The following GRK4 variants were observed in gnomAD, a reference collection of about 807,000 sequenced individuals.
GRK4 encodes the protein G protein-coupled receptor kinase 4.
Under a neutral mutation model 77.9 loss-of-function variants are expected in GRK4, and 73 were observed. The observed-to-expected ratio is 0.94, with a 90% CI of 0.78 to 1.14. GRK4 has a LOEUF of 1.14. GRK4 is among the 50% of genes most tolerant of loss of function. GRK4 has a pLI of 0.00. For synonymous variants in GRK4, 257 were observed against 254.4 expected, an observed-to-expected ratio of 1.01 and a Z score of -0.10; for missense variants, 729 against 700.2, an observed-to-expected ratio of 1.04 and a Z score of -0.46.
intron 12 of GRK4, 139 bp from the exon 13 acceptor site, chr4:3,035,247 A>T: frequency 1.1e-6 from 1 of 912,322 alleles, no homozygotes; most frequent in Non-Finnish European, 1.8e-6. Flanking sequence ...TCCATCTCAA[A>T]AAAAGAAAAA....
At chr4:2,988,566 T>C (rs925567733) in intron 2 of GRK4, among the ~76,000 whole-genome samples, 161 bp from the exon 3 acceptor site, 1 of 123,780 alleles carries the variant, frequency 8.1e-6, no homozygotes, top group Non-Finnish European at 1.7e-5. Context: ...GGAGGGAGAC[T>C]GTCTGAAACA....
chr4:2,989,681 C>G (rs1178358511), intron 3 of GRK4, among the ~76,000 whole-genome samples: 2 of 152,212 alleles, frequency 1.3e-5, no homozygotes, highest in Non-Finnish European at 2.9e-5. Flanking sequence ...CTTAAAAACG[C>G]TTTAACCCAG....
intron 12 of GRK4, among the ~76,000 whole-genome samples, chr4:3,033,109 C>T (rs1385496940): frequency 6.6e-6 from 1 of 152,142 alleles, no homozygotes. Context: ...TTGGCTGGAG[C>T]TGGTGGCTCA....
At chr4:2,968,819 T>G (rs1328670632) in intron 1 of GRK4, among the ~76,000 whole-genome samples, 3 of 152,094 alleles carry the variant, frequency 2.0e-5, no homozygotes, top group Non-Finnish European at 2.9e-5. Context: ...GTCTCCACGG[T>G]CACTCCTGTG....
At chr4:3,035,979 CCAGCT>C (rs1430147823) in intron 13 of GRK4, among the ~76,000 whole-genome samples, 2 of 151,576 alleles carry the variant, frequency 1.3e-5, no homozygotes, top group East Asian at 4.0e-4. Context: ...CACACACCAC[CCAGCT>C]CATTTTCACT....
At chr4:3,015,992 TC>T (rs1734371968) in intron 8 of GRK4, among the ~76,000 whole-genome samples, 1 of 150,726 alleles carries the variant, frequency 6.6e-6, no homozygotes. Flanking sequence ...CACTGCAACA[TC>T]CGGCTCCCGG....
At chr4:2,992,544 A>C (rs1395570803) in intron 4 of GRK4, among the ~76,000 whole-genome samples, 3 of 152,020 alleles carry the variant, frequency 2.0e-5, no homozygotes, top group African/African-American at 4.8e-5. Flanking sequence ...CTAGCTGGAC[A>C]TGGTGGTGTG....
intron 1 of GRK4, among the ~76,000 whole-genome samples, chr4:2,980,879 C>T (rs939062725): frequency 3.9e-5 from 6 of 152,266 alleles, no homozygotes; most frequent in African/African-American, 1.4e-4. Flanking sequence ...TCTTTCACTA[C>T]TGGTCCAGAT....
intron 2 of GRK4, among the ~76,000 whole-genome samples, chr4:2,985,382 C>G (rs1723996436): frequency 7.0e-6 from 1 of 142,396 alleles, no homozygotes; most frequent in Non-Finnish European, 1.5e-5. Flanking sequence ...GCCTGGGGAA[C>G]AGAGCAAGAC....
chr4:3,035,617 T>C, intron 13 of GRK4, 94 bp downstream of exon 13: 9 of 1,386,832 alleles, frequency 6.5e-6, no homozygotes, highest in Non-Finnish European at 8.8e-6. Flanking sequence ...AGATGGGGGG[T>C]CTCACTGTGT....
intron 1 of GRK4, among the ~76,000 whole-genome samples, chr4:2,975,404 C>T (rs1720818776): frequency 6.6e-6 from 1 of 152,182 alleles, no homozygotes; most frequent in South Asian, 2.1e-4. Context: ...ATCTTCCCTC[C>T]TCATACCTAA....
chr4:2,977,122 G>A (rs1721453309), intron 1 of GRK4, among the ~76,000 whole-genome samples: 1 of 152,072 alleles, frequency 6.6e-6, no homozygotes, highest in African/African-American at 2.4e-5. Context: ...AGGAACAGGC[G>A]GCCTTTCATA....
chr4:2,971,788 G>A (rs1248048014), intron 1 of GRK4, among the ~76,000 whole-genome samples: 2 of 152,204 alleles, frequency 1.3e-5, no homozygotes, highest in Non-Finnish European at 2.9e-5. Context: ...AGCCTCTGCT[G>A]GCTCGCTGGC....
chr4:3,035,992 ACTT>A (rs1228178710), intron 13 of GRK4, among the ~76,000 whole-genome samples: 1 of 147,268 alleles, frequency 6.8e-6, no homozygotes, highest in Non-Finnish European at 1.5e-5. Flanking sequence ...GCTCATTTTC[ACTT>A]CTTTTCTAGA....
intron 12 of GRK4, among the ~76,000 whole-genome samples, chr4:3,034,815 T>A (rs1444499418): frequency 6.6e-6 from 1 of 152,184 alleles, no homozygotes; most frequent in Non-Finnish European, 1.5e-5. Flanking sequence ...TTTTTATGAT[T>A]AATTTTTTTA....
intron 4 of GRK4, among the ~76,000 whole-genome samples, chr4:3,001,611 C>A (rs1276049373): frequency 6.6e-6 from 1 of 152,128 alleles, no homozygotes; most frequent in Admixed American, 6.6e-5. Flanking sequence ...AGGTGATCCA[C>A]CCTCCTTCGC....
chr4:3,013,963 C>A, intron 8 of GRK4, 135 bp downstream of exon 8: 2 of 919,956 alleles, frequency 2.2e-6, no homozygotes, highest in Non-Finnish European at 3.1e-6. Flanking sequence ...TGGGGGTTTG[C>A]TCTTTTTAGT....
At chr4:3,035,892 C>T (rs888185801) in intron 13 of GRK4, among the ~76,000 whole-genome samples, 4 of 152,186 alleles carry the variant, frequency 2.6e-5, no homozygotes, top group Non-Finnish European at 1.5e-5. Context: ...CAGACCTCAG[C>T]GGTGCTCTAG....
intron 4 of GRK4, 117 bp downstream of exon 4, chr4:2,992,409 A>T: frequency 1.6e-6 from 1 of 634,496 alleles, no homozygotes; most frequent in Non-Finnish European, 2.8e-6. Context: ...GCTGGGTGTG[A>T]TGCCTGACGC....
Sources: gnomAD v4.1 joint callset for allele counts (sites outside exome capture counted in the v4.1 genomes callset) on GRCh38, gnomAD v4.1.1 for gene constraint, MANE v1.5 for transcripts, NCBI Gene and HGNC (gene_info 2026-07-23, HGNC 2026-07-21) for gene names.